DYSF: variants seen among roughly 807,000 people sequenced by gnomAD.
DYSF encodes the protein dystrophy-associated fer-1-like 1.
In DYSF, 212 loss-of-function variants were observed where a neutral mutation model predicts 274.9. The ratio of observed to expected loss-of-function variants is 0.77; its 90% CI spans 0.69 to 0.86. DYSF has a LOEUF of 0.86. DYSF is among the 40% of genes least tolerant of loss of function. The probability of loss-of-function intolerance (pLI) is 0.00; values close to 1 mark genes in which losing one functional copy is unlikely to be tolerated. For synonymous variants in DYSF, 1,091 were observed against 1,078.7 expected (o/e 1.01, Z -0.22); for missense variants, 2,666 against 2,783.2 (o/e 0.96, Z 0.95).
intron 30 of DYSF, among the ~76,000 whole-genome samples, chr2:71,578,526 A>C (rs2092787518): frequency 6.6e-6 from 1 of 152,180 alleles, no homozygotes; most frequent in Non-Finnish European, 1.5e-5. Context: ...CTAAACCCCT[A>C]GAATCTGCGT....
chr2:71,618,073 T>TGC (rs2093954775), intron 40 of DYSF, among the ~76,000 whole-genome samples: 1 of 123,330 alleles, frequency 8.1e-6, no homozygotes, highest in Non-Finnish European at 1.7e-5. Flanking sequence ...AGATGGGGTG[T>TGC]GTGTGTGGTA....
chr2:71,470,491 T>C (rs1363973073), intron 1 of DYSF, among the ~76,000 whole-genome samples: 1 of 151,726 alleles, frequency 6.6e-6, no homozygotes, highest in Non-Finnish European at 1.5e-5. Flanking sequence ...GCTAACATGG[T>C]GAAACCCTGT....
chr2:71,567,996 C>T lies in DYSF; in HGVS notation c.2611C>T (p.Arg871Trp), dbSNP rs749542779. 36 of 1,613,976 alleles carry T rather than the reference C, an allele frequency of 2.2e-5. No individual in the cohort carries two copies. Among genetic ancestry groups the T allele is most frequent in the Admixed American group, 1.0e-4 (6 of 59,990 alleles). The change falls in exon 25 of 56, where the codon CGG (arginine) becomes TGG (tryptophan). Residue 871 changes from arginine (R) to tryptophan (W), a missense_variant. Arg to Trp is a moderately radical substitution (Grantham distance 101). Transcript: ENST00000410020. ...VPGARMPVQI[R>W]VKLWFGLSVD... ...TGGCGCCCGGATGCCAGTGCAGATA[C>T]GGGTCAAGCTGTGGTTTGGGCTCTC...
At chr2:71,471,694 G>T (rs905305951) in intron 1 of DYSF, among the ~76,000 whole-genome samples, 2 of 152,214 alleles carry the variant, frequency 1.3e-5, no homozygotes, top group African/African-American at 4.8e-5. Flanking sequence ...AGGGGGCCGG[G>T]TGTGGTGGCT....
intron 40 of DYSF, among the ~76,000 whole-genome samples, chr2:71,613,887 C>T (rs2093825073): frequency 6.6e-6 from 1 of 152,080 alleles, no homozygotes; most frequent in South Asian, 2.1e-4. Context: ...AGGCTGTGTC[C>T]AAGCCAAGAG....
rs142023270 is a variant in DYSF at position 71,658,137 on chromosome 2, C to T, written c.4756-741C>T. 2.6e-4 allele frequency among the ~76,000 whole-genome samples: 39 copies of T among 152,274 alleles called. No homozygotes were observed. The East Asian group carries it at 6.2e-3, about 24-fold the overall frequency. Reference sequence around the variant, plus strand: ...ATTTCTTCTGCCAGATACCCTAAATCGTCTCTCTCCAGTTCAAAGCTCCAC... The same window carrying T: ...ATTTCTTCTGCCAGATACCCTAAATTGTCTCTCTCCAGTTCAAAGCTCCAC... On this transcript the variant is annotated intron_variant, in intron 43 of 55. Coordinates refer to ENST00000410020, the MANE Select transcript of DYSF (RefSeq NM_001130987.2).
At chr2:71,633,550 G>A (rs1388226582) in intron 41 of DYSF, among the ~76,000 whole-genome samples, 1 of 152,140 alleles carries the variant, frequency 6.6e-6, no homozygotes, top group Admixed American at 6.5e-5. Flanking sequence ...GAGCCTTACA[G>A]TAACCCCAGT....
intron 41 of DYSF, among the ~76,000 whole-genome samples, chr2:71,621,478 G>C (rs2094097968): frequency 6.6e-6 from 1 of 151,998 alleles, no homozygotes; most frequent in Non-Finnish European, 1.5e-5. Flanking sequence ...GGCACTGTTA[G>C]GGTTTTGATG....
At position 71,526,395 on chromosome 2, in the gene DYSF, G is replaced by A. The variant is rs202196680; in HGVS notation, c.1276+49G>A. On this transcript the variant is annotated intron_variant, in intron 13 of 55. Coordinates refer to ENST00000410020, the MANE Select transcript of DYSF (RefSeq NM_001130987.2). Reference sequence around the variant, plus strand: ...GGGAGGTCTGCAGGAGGCTGGAGGCGCAGGGCTGGTGGGGGTGGGCGATGG... The same window carrying A: ...GGGAGGTCTGCAGGAGGCTGGAGGCACAGGGCTGGTGGGGGTGGGCGATGG... 2,211 of 1,576,790 alleles carry A rather than the reference G, an allele frequency of 1.4e-3. 4 individuals are homozygous for A. Among genetic ancestry groups the A allele is most frequent in the Non-Finnish European group, 1.6e-3 (1,885 of 1,156,470 alleles).
At position 71,569,891 on chromosome 2, in the gene DYSF, C is replaced by T. The variant is rs758156138; in HGVS notation, c.2936C>T (p.Pro979Leu). 3 of 1,614,126 alleles carry T rather than the reference C, an allele frequency of 1.9e-6. No homozygotes were observed. The highest frequency in any genetic ancestry group is 2.5e-6 in the Non-Finnish European group (3 of 1,180,034). The part of the protein sequence containing the change: ...EEVFENQTRL[P>L]GGQWIYMSDN... Reference sequence around the variant, plus strand: ...GTGTTTGAGAACCAGACCCGGCTTCCCGGAGGCCAGTGGATCTACATGAGT... The same window carrying T: ...GTGTTTGAGAACCAGACCCGGCTTCTCGGAGGCCAGTGGATCTACATGAGT... Residue 979 changes from proline (P) to leucine (L), a missense_variant, in exon 27 of 56, where the codon CCC becomes CTC. Physicochemically the swap from Pro to Leu is moderately conservative, Grantham distance 98. Transcript: ENST00000410020.
At chr2:71,674,443 T>C (rs2095185273) in intron 52 of DYSF, 147 bp downstream of exon 52, 1 of 768,878 alleles carries the variant, frequency 1.3e-6, no homozygotes, top group Non-Finnish European at 2.3e-6. Context: ...GGGTCATGTG[T>C]CCCCAGTGTT....
intron 4 of DYSF, among the ~76,000 whole-genome samples, chr2:71,507,949 C>T: frequency 6.6e-6 from 1 of 152,192 alleles, no homozygotes; most frequent in Non-Finnish European, 1.5e-5. Flanking sequence ...CTACCACGCC[C>T]AACTAGTTTT....
Position 71,535,082 on chromosome 2 carries a change from C to T in DYSF, c.1442C>T (p.Pro481Leu), listed in dbSNP as rs552258353. The stretch of plus-strand genomic sequence containing the variant: ...CAGTGGAACCAGAACATCACACTGC[C>T]TGCCATGGTGAGCCTCCTGCCCCCA... ...NPQWNQNITLPAMFPSMCEKM... is the reference protein window; with the variant it reads ...NPQWNQNITLLAMFPSMCEKM... Residue 481 changes from proline (P) to leucine (L), a missense_variant, in exon 15 of 56, where the codon CCT (proline) becomes CTT (leucine). Around this residue, in one of 3 missense-constraint regions of DYSF, gnomAD observed 794 missense variants for 777.1 expected, o/e 1.02. Transcript: ENST00000410020. 5.6e-6 allele frequency: 9 copies of T among 1,614,148 alleles called. No homozygotes were observed. Among genetic ancestry groups the T allele is most frequent in the African/African-American group, 1.3e-5 (1 of 75,026 alleles).
At chr2:71,643,711 C>T (rs1157291864) in intron 41 of DYSF, among the ~76,000 whole-genome samples, 2 of 152,198 alleles carry the variant, frequency 1.3e-5, no homozygotes, top group African/African-American at 4.8e-5. Context: ...GACAGAAACA[C>T]ACATGCTTGG....
rs750966305 is a variant in DYSF at position 71,539,111 on chromosome 2, G to A, written c.1494-46G>A. The A allele has an allele frequency of 3.6e-5, 56 of 1,563,930 alleles. No individual in the cohort carries two copies. In the South Asian group the frequency reaches 5.4e-4, roughly 15 times the overall value. On this transcript the variant is annotated intron_variant, in intron 16 of 55. Transcript: ENST00000410020. ...ATACTTCCTGGGTGGGCTGTGGCCT[G>A]CAGTTCCTTTCCTGTGTTCAGGCCC...
In DYSF at chr2:71,513,771, G is replaced by T. The variant is rs2152731750; in HGVS notation, c.609G>T (p.Glu203Asp). 6.2e-7 allele frequency: 1 copy of T among 1,614,194 alleles called. No homozygotes were observed. The highest frequency in any genetic ancestry group is 8.5e-7 in the Non-Finnish European group (1 of 1,180,020). The change falls in exon 7 of 56, where the codon GAG becomes GAT. Residue 203 changes from glutamate to aspartate, a missense_variant. This residue lies in a region of DYSF where 794 missense variants were observed against 777.1 expected (regional missense o/e 1.02). Coordinates refer to ENST00000410020, the MANE Select transcript of DYSF (RefSeq NM_001130987.2). ...EDQGLTGDEA[E>D]PFLDQSGGPG... ...AGGGACTCACTGGAGATGAGGCGGA[G>T]CCATTCCTGGATCAAAGCGGAGGCC... is the stretch of plus-strand genomic sequence containing the variant.
At chr2:71,485,391 A>G (rs1228792753) in intron 3 of DYSF, among the ~76,000 whole-genome samples, 1 of 152,136 alleles carries the variant, frequency 6.6e-6, no homozygotes, top group Non-Finnish European at 1.5e-5. Context: ...CCCCGTCACT[A>G]CTCAAAATAC....
At chr2:71,573,002 CAGGGG>C in intron 29 of DYSF, among the ~76,000 whole-genome samples, 3 of 152,358 alleles carry the variant, frequency 2.0e-5, no homozygotes, top group Non-Finnish European at 2.9e-5. Flanking sequence ...CGGGGTCACA[CAGGGG>C]CCTGTGCACT....
At chr2:71,597,774 G>A (rs1266022894) in intron 32 of DYSF, among the ~76,000 whole-genome samples, 1 of 152,090 alleles carries the variant, frequency 6.6e-6, no homozygotes, top group Non-Finnish European at 1.5e-5. Context: ...TGGGTTTCTC[G>A]CACACCCCTA....
Sources: gnomAD v4.1 joint callset for allele counts (sites outside exome capture counted in the v4.1 genomes callset) on GRCh38, gnomAD v4.1.1 for gene constraint, gnomAD v4.1.1 regional missense constraint, MANE v1.5 for transcripts, NCBI Gene and HGNC (gene_info 2026-07-23, HGNC 2026-07-21) for gene names.